The following RAB10 variants were observed in gnomAD, a reference collection of about 807,000 sequenced individuals.
RAB10 encodes ras-related protein Rab-10.
A neutral mutation model predicts 25.7 loss-of-function variants in RAB10; 5 were observed. The ratio of observed to expected loss-of-function variants is 0.19; its 90% CI spans 0.10 to 0.41. The LOEUF (loss-of-function observed/expected upper bound fraction) is 0.41, where lower values mean the gene tolerates loss of function less well. RAB10 is among the 10% of genes least tolerant of loss of function. RAB10 has a pLI of 1.00. For synonymous variants in RAB10, 89 were observed against 86.4 expected (o/e 1.03, Z -0.16); for missense variants, 103 against 245.8 (o/e 0.42, Z 3.89).
At chr2:26,069,383 TA>T (rs1231334801) in intron 1 of RAB10, among the ~76,000 whole-genome samples, 2 of 152,110 alleles carry the variant, frequency 1.3e-5, no homozygotes, top group African/African-American at 2.4e-5. Flanking sequence ...GAAGGGCATT[TA>T]AAAAAACTTC....
intron 1 of RAB10, among the ~76,000 whole-genome samples, chr2:26,071,251 G>A (rs147130813): frequency 4.6e-4 from 70 of 152,258 alleles, no homozygotes; most frequent in African/African-American, 1.6e-3. Context: ...GTTTGGATTG[G>A]CCACCATTTT....
chr2:26,049,066 C>G (rs748066470), intron 1 of RAB10, among the ~76,000 whole-genome samples: 3 of 152,010 alleles, frequency 2.0e-5, no homozygotes, highest in Non-Finnish European at 4.4e-5. Context: ...TTTAGGAACT[C>G]TGTCCATCAT....
chr2:26,112,110 CA>C (rs1013398499), intron 3 of RAB10, among the ~76,000 whole-genome samples: 16 of 152,202 alleles, frequency 1.1e-4, no homozygotes, highest in African/African-American at 3.9e-4. Context: ...CCAGAGCTTC[CA>C]TCCCCTCTCT....
intron 1 of RAB10, among the ~76,000 whole-genome samples, chr2:26,056,171 G>T (rs564013715): frequency 6.6e-6 from 1 of 152,072 alleles, no homozygotes; most frequent in East Asian, 1.9e-4. Flanking sequence ...GATTACAGGC[G>T]TGAGCCACCG....
At chr2:26,076,615 C>T (rs528866119) in intron 1 of RAB10, among the ~76,000 whole-genome samples, 313 of 152,180 alleles carry the variant, frequency 2.1e-3, no homozygotes, top group African/African-American at 7.2e-3. Context: ...TTACTCAGTT[C>T]TTTTACACAA....
chr2:26,095,136 C>G (rs1423333203), intron 1 of RAB10, among the ~76,000 whole-genome samples: 1 of 152,152 alleles, frequency 6.6e-6, no homozygotes, highest in Non-Finnish European at 1.5e-5. Flanking sequence ...GGCCTGGTAT[C>G]AGAAACTTCC....
intron 1 of RAB10, among the ~76,000 whole-genome samples, chr2:26,057,790 A>G (rs1666300052): frequency 6.6e-6 from 1 of 152,062 alleles, no homozygotes; most frequent in Non-Finnish European, 1.5e-5. Flanking sequence ...CACCCAGCTA[A>G]TTTTTGTATT....
rs1257829849 is a variant in RAB10, at chr2:26,034,261, C to T, written c.-348C>T. 7.9e-6 allele frequency: 4 copies of T among 504,442 alleles called. No individual in the cohort carries two copies. Among genetic ancestry groups the T allele is most frequent in the East Asian group, 3.0e-5 (1 of 33,210 alleles). 31.2% of individuals were successfully genotyped at this position (504,442 alleles called of 1,614,324 possible). A position where few individuals can be genotyped will look rare whatever the true frequency, so the allele number is the denominator to read the frequency against. On this transcript the variant is annotated 5_prime_UTR_variant, in exon 1 of 6. Transcript: ENST00000264710. ...TCGGGAGAGAGACTGTCCTCACGCC[C>T]GCTGCGCCTCCTCGACGGCAGAGCA...
intron 3 of RAB10, among the ~76,000 whole-genome samples, chr2:26,116,025 A>G (rs1028763531): frequency 3.3e-5 from 5 of 151,664 alleles, no homozygotes; most frequent in African/African-American, 1.2e-4. Context: ...ACGCCCGGCT[A>G]ATTTTTTTTG....
chr2:26,034,707 C>G lies in RAB10; in HGVS notation c.99C>G (p.Ala33=). The G allele has an allele frequency of 6.2e-7, 1 of 1,614,214 alleles. No homozygotes were observed. The highest frequency in any genetic ancestry group is 1.3e-5 in the African/African-American group (1 of 75,068). ...TCVLFRFSDD[A]FNTTFISTIG... is the part of the protein sequence containing the mutation. The stretch of plus-strand genomic sequence containing the variant: ...TCCTTTTTCGTTTTTCGGATGATGC[C>G]TTCAATACTACCTTTATTTCCACCA... The change falls in exon 1 of 6, where the codon GCC becomes GCG. Residue 33 remains alanine, a synonymous_variant. Coordinates refer to ENST00000264710, the MANE Select transcript of RAB10 (RefSeq NM_016131.5).
intron 1 of RAB10, among the ~76,000 whole-genome samples, chr2:26,064,209 T>C (rs1402785980): frequency 6.6e-6 from 1 of 152,212 alleles, no homozygotes; most frequent in Non-Finnish European, 1.5e-5. Flanking sequence ...TAAATAATAA[T>C]GAGGTCCAAA....
Position 26,099,079 on chromosome 2 carries a change from A to G in RAB10, c.188+357A>G, listed in dbSNP as rs758802545. Among the ~76,000 whole-genome samples, 8 of 152,258 alleles carry G rather than the reference A, an allele frequency of 5.3e-5. No individual in the cohort carries two copies. The South Asian group carries it at 1.7e-3, about 32-fold the overall frequency. ...ATTGCGAAAATGTTTGTTTTCTTTA[A>G]TATGTTTTTAACTTTTTATGGGCAT... On this transcript the variant is annotated intron_variant, in intron 2 of 5. Coordinates refer to ENST00000264710, the MANE Select transcript of RAB10 (RefSeq NM_016131.5).
chr2:26,078,844 A>G (rs544030922), intron 1 of RAB10, among the ~76,000 whole-genome samples: 1 of 152,284 alleles, frequency 6.6e-6, no homozygotes, highest in East Asian at 1.9e-4. Flanking sequence ...CAAACAAATG[A>G]ACAGCATAAT....
intron 3 of RAB10, among the ~76,000 whole-genome samples, chr2:26,126,197 T>G (rs1646728713): frequency 6.6e-6 from 1 of 152,212 alleles, no homozygotes; most frequent in South Asian, 2.1e-4. Flanking sequence ...GGGCTCTCTA[T>G]TCCATTCCAT....
chr2:26,045,774 G>C (rs1414163693), intron 1 of RAB10, among the ~76,000 whole-genome samples: 1 of 152,158 alleles, frequency 6.6e-6, no homozygotes, highest in East Asian at 1.9e-4. Flanking sequence ...GGGTCTTGCT[G>C]TGTTGCCCAG....
intron 1 of RAB10, among the ~76,000 whole-genome samples, chr2:26,047,245 G>T (rs1175124163): frequency 2.1e-4 from 32 of 151,962 alleles, no homozygotes; most frequent in Admixed American, 2.0e-3. Flanking sequence ...CCAAACCTTG[G>T]TAACTATGAA....
intron 2 of RAB10, among the ~76,000 whole-genome samples, chr2:26,105,500 T>C (rs925203183): frequency 1.3e-5 from 2 of 151,886 alleles, no homozygotes; most frequent in African/African-American, 4.8e-5. Context: ...ACTAAAAATA[T>C]TAAAATTAGC....
chr2:26,115,733 T>C (rs745440095), intron 3 of RAB10, among the ~76,000 whole-genome samples: 2 of 152,222 alleles, frequency 1.3e-5, no homozygotes, highest in African/African-American at 4.8e-5. Context: ...TTTTATGATA[T>C]GTAAATTATA....
chr2:26,082,856 G>A (rs865914468), intron 1 of RAB10, among the ~76,000 whole-genome samples: 4 of 151,890 alleles, frequency 2.6e-5, no homozygotes, highest in South Asian at 2.1e-4. Flanking sequence ...CTAAATAATT[G>A]CAAACCAAAT....
Sources: gnomAD v4.1 joint callset for allele counts (sites outside exome capture counted in the v4.1 genomes callset) on GRCh38, gnomAD v4.1.1 for gene constraint, MANE v1.5 for transcripts, NCBI Gene and HGNC (gene_info 2026-07-23, HGNC 2026-07-21) for gene names.